MTUS2: variants seen among roughly 807,000 people sequenced by gnomAD.
The protein encoded by MTUS2 is microtubule-associated tumor suppressor candidate 2.
Under a neutral mutation model 114.1 loss-of-function variants are expected in MTUS2, and 40 were observed. The observed-to-expected ratio is 0.35, with a 90% CI of 0.27 to 0.46. MTUS2 has a LOEUF of 0.46. MTUS2 is among the 20% of genes least tolerant of loss of function. MTUS2 has a pLI of 1.00. For synonymous variants in MTUS2, 688 were observed against 672.0 expected (o/e 1.02, Z -0.37); for missense variants, 1,679 against 1,705.4 (o/e 0.98, Z 0.27).
At chr13:29,188,430 T>C (rs1417904133) in intron 5 of MTUS2, among the ~76,000 whole-genome samples, 3 of 152,218 alleles carry the variant, frequency 2.0e-5, no homozygotes, top group Non-Finnish European at 2.9e-5. Context: ...AAATTGTTTA[T>C]TTCTTACATA....
chr13:29,267,271 G>A (rs1031459398), intron 5 of MTUS2, among the ~76,000 whole-genome samples: 2 of 152,232 alleles, frequency 1.3e-5, no homozygotes, highest in Non-Finnish European at 2.9e-5. Context: ...GGTGGGCGCA[G>A]CTGAGAGGAA....
At chr13:28,898,695 C>G (rs111881518) in intron 2 of MTUS2, among the ~76,000 whole-genome samples, 24 of 152,148 alleles carry the variant, frequency 1.6e-4, no homozygotes, top group African/African-American at 5.3e-4. Context: ...TTGAATGTCT[C>G]AATGGGAATC....
chr13:29,465,206 C>A lies in MTUS2; in HGVS notation c.3185-14944C>A, dbSNP rs1482043599. Among the ~76,000 whole-genome samples, 5 of 152,314 alleles carry A rather than the reference C, an allele frequency of 3.3e-5. No individual in the cohort carries two copies. The South Asian group carries it at 1.0e-3, about 32-fold the overall frequency. ...GCCTCAGCTAATATTTATTGAATTA[C>A]TAGTAGAGGCCAGGCATGGTGCTGA... On this transcript the variant is annotated intron_variant, in intron 9 of 15. Transcript: ENST00000612955.
At chr13:29,473,439 A>T (rs1880462445) in intron 9 of MTUS2, among the ~76,000 whole-genome samples, 1 of 152,186 alleles carries the variant, frequency 6.6e-6, no homozygotes, top group South Asian at 2.1e-4. Flanking sequence ...TCAATTTATG[A>T]ACTGTGGTTG....
At chr13:29,222,638 C>T (rs544726508) in intron 5 of MTUS2, among the ~76,000 whole-genome samples, 44 of 152,332 alleles carry the variant, frequency 2.9e-4, no homozygotes, top group African/African-American at 6.3e-4. Flanking sequence ...GAGCCAGGAA[C>T]GGGTGAGAAC....
Position 29,005,797 on chromosome 13 carries a change from C to T in MTUS2, c.-242-18660C>T, listed in dbSNP as rs371284500. On this transcript the variant is annotated intron_variant, in intron 2 of 15. Transcript: ENST00000612955. ...TATTGTTAACCTAGGACATAGTCTG[C>T]GCCAAAGTACTTCTGTGTCTTGTAA... Among the ~76,000 whole-genome samples, 17 of 152,302 alleles carry T rather than the reference C, an allele frequency of 1.1e-4. 1 individual carries two copies. The highest frequency in any genetic ancestry group is 1.7e-4 in the African/African-American group (7 of 41,560).
intron 5 of MTUS2, among the ~76,000 whole-genome samples, chr13:29,108,963 T>G (rs551597362): frequency 7.5e-4 from 115 of 152,332 alleles, no homozygotes; most frequent in African/African-American, 2.7e-3. Context: ...TGACAAATAT[T>G]TGAAAATATT....
chr13:28,965,150 TC>T (rs1883521307), intron 2 of MTUS2, among the ~76,000 whole-genome samples: 1 of 152,214 alleles, frequency 6.6e-6, no homozygotes, highest in African/African-American at 2.4e-5. Flanking sequence ...TTCTAGCTCT[TC>T]CTGCCAGTGG....
At chr13:29,137,031 A>G (rs1255398094) in intron 5 of MTUS2, among the ~76,000 whole-genome samples, 3 of 152,200 alleles carry the variant, frequency 2.0e-5, no homozygotes, top group Non-Finnish European at 4.4e-5. Flanking sequence ...TCTCCCCACA[A>G]TTTGGTAGTC....
intron 2 of MTUS2, among the ~76,000 whole-genome samples, chr13:29,002,541 G>T (rs1314167294): frequency 6.6e-6 from 1 of 152,248 alleles, no homozygotes; most frequent in Admixed American, 6.5e-5. Flanking sequence ...GTTGCAGGAT[G>T]TAACAGTTAA....
intron 5 of MTUS2, among the ~76,000 whole-genome samples, chr13:29,210,583 A>G (rs1433480556): frequency 6.6e-6 from 1 of 152,124 alleles, no homozygotes; most frequent in Admixed American, 6.5e-5. Flanking sequence ...CTAGGGCTCA[A>G]GGGCTGTTGT....
At chr13:29,034,222 C>A (rs1319541567) in intron 4 of MTUS2, 97 bp downstream of exon 4, 1 of 1,509,540 alleles carries the variant, frequency 6.6e-7, no homozygotes. Context: ...TGCCTTTCAT[C>A]CTTTAAGGAG....
At chr13:29,209,825 T>A (rs1438237902) in intron 5 of MTUS2, among the ~76,000 whole-genome samples, 1 of 152,246 alleles carries the variant, frequency 6.6e-6, no homozygotes, top group Non-Finnish European at 1.5e-5. Context: ...TATTCCTCTA[T>A]AAGTTACTTG....
intron 2 of MTUS2, among the ~76,000 whole-genome samples, chr13:29,003,762 A>G (rs1007256576): frequency 6.6e-6 from 1 of 152,172 alleles, no homozygotes; most frequent in Non-Finnish European, 1.5e-5. Context: ...GATAGACAAG[A>G]GCAAGGGAGT....
intron 8 of MTUS2, among the ~76,000 whole-genome samples, chr13:29,404,352 G>A (rs962602530): frequency 2.6e-5 from 4 of 151,400 alleles, no homozygotes; most frequent in South Asian, 2.1e-4. Flanking sequence ...ACCCTGTCTC[G>A]AAAAAACAAA....
intron 8 of MTUS2, among the ~76,000 whole-genome samples, chr13:29,438,627 G>T (rs1877599213): frequency 6.6e-6 from 1 of 152,050 alleles, no homozygotes; most frequent in South Asian, 2.1e-4. Context: ...AATATCATCA[G>T]CTTGGAGGTG....
At chr13:29,444,194 C>A (rs1878106890) in intron 9 of MTUS2, among the ~76,000 whole-genome samples, 1 of 152,180 alleles carries the variant, frequency 6.6e-6, no homozygotes, top group Non-Finnish European at 1.5e-5. Flanking sequence ...GAGGCTGAAG[C>A]AGATGGATCA....
chr13:28,834,367 A>G (rs2137962585), intron 1 of MTUS2, among the ~76,000 whole-genome samples: 1 of 152,282 alleles, frequency 6.6e-6, no homozygotes, highest in South Asian at 2.1e-4. Context: ...TAAGGCCCAG[A>G]AGCAAACCCT....
chr13:29,088,053 C>T (rs7338300), intron 4 of MTUS2, among the ~76,000 whole-genome samples: 26,267 of 96,954 alleles, frequency 0.27, 2,693 homozygotes, highest in South Asian at 0.33. Context: ...AGCAAGACTC[C>T]GTCTCAAAAA....
Sources: allele counts gnomAD v4.1 joint callset (sites outside exome capture counted in the v4.1 genomes callset), GRCh38; gene constraint gnomAD v4.1.1; transcripts MANE v1.5; gene names NCBI Gene and HGNC (gene_info 2026-07-23, HGNC 2026-07-21).